Variants in DNAH8 observed in about 807,000 individuals in gnomAD.
DNAH8 encodes the protein dynein axonemal heavy chain 8, also known as axonemal beta dynein heavy chain 8.
In DNAH8, 382 loss-of-function variants were observed where a neutral mutation model predicts 562.1. The observed-to-expected ratio is 0.68, with a 90% CI of 0.63 to 0.74. The LOEUF is 0.74. Ranked by LOEUF, DNAH8 falls within the 30% of genes least tolerant of loss-of-function variation. DNAH8 has a pLI of 0.00. For missense variants in DNAH8, 5,203 were observed against 5,620.4 expected, an observed-to-expected ratio of 0.93 and a Z score of 2.37; for synonymous variants, 1,881 against 1,919.4, an observed-to-expected ratio of 0.98 and a Z score of 0.52.
At position 38,917,232 on chromosome 6, in the gene DNAH8, A is replaced by C; in HGVS notation, c.10141-7A>C. On this transcript the variant is annotated splice_region_variant and splice_polypyrimidine_tract_variant and intron_variant, in intron 68 of 92. Coordinates refer to ENST00000327475, the MANE Select transcript of DNAH8 (RefSeq NM_001206927.2). Reference sequence around the variant, plus strand: ...AACAAAATATTGATCCTTAATCCCAAATATAGACTATCAAGCCAAATGATA... The same window carrying C: ...AACAAAATATTGATCCTTAATCCCACATATAGACTATCAAGCCAAATGATA... 1.3e-6 allele frequency: 2 copies of C among 1,558,918 alleles called. No individual in the cohort carries two copies. Among genetic ancestry groups the C allele is most frequent in the Middle Eastern group, 3.4e-4 (2 of 5,912 alleles).
intron 21 of DNAH8, among the ~76,000 whole-genome samples, chr6:38,797,921 A>G (rs767415833): frequency 1.2e-4 from 18 of 152,060 alleles, no homozygotes; most frequent in Non-Finnish European, 2.4e-4. Flanking sequence ...TGCCACGCCA[A>G]TTCTTCGGCT....
In DNAH8 at chr6:38,784,977, A is replaced by C. The variant is rs944803559; in HGVS notation, c.2396-1788A>C. Among the ~76,000 whole-genome samples the C allele has an allele frequency of 2.0e-5, 3 of 152,198 alleles. No individual in the cohort carries two copies. The South Asian group carries it at 6.2e-4, about 31-fold the overall frequency. Reference sequence around the variant, plus strand: ...ATCTTGATGAGTAATAATTTTATCAAGTTTTCAGAAGAGTTTGTTCCCCTT... The same window carrying C: ...ATCTTGATGAGTAATAATTTTATCACGTTTTCAGAAGAGTTTGTTCCCCTT... On this transcript the variant is annotated intron_variant, in intron 17 of 92. Coordinates refer to ENST00000327475, the MANE Select transcript of DNAH8 (RefSeq NM_001206927.2).
In DNAH8 at chr6:38,896,037, A is replaced by T. The variant is rs148193715; in HGVS notation, c.8752A>T (p.Ile2918Leu). Residue 2918 changes from isoleucine to leucine, a missense_variant, in exon 60 of 93, where the codon ATA becomes TTA. Coordinates refer to ENST00000327475, the MANE Select transcript of DNAH8 (RefSeq NM_001206927.2). ...ECSRVIADRF[I>L]TPEDEQWFNA... ...ACTACTACATTTTCCTTTCAGATTTATAACTCCTGAAGATGAGCAGTGGTT... is the reference window on the plus strand; with the variant it reads ...ACTACTACATTTTCCTTTCAGATTTTTAACTCCTGAAGATGAGCAGTGGTT... 1.9e-6 allele frequency: 3 copies of T among 1,609,084 alleles called. No homozygotes were observed. Among genetic ancestry groups the T allele is most frequent in the Admixed American group, 3.4e-5 (2 of 58,948 alleles).
At position 38,894,665 on chromosome 6, in the gene DNAH8, AAACT is replaced by A. The variant is rs756404103; in HGVS notation, c.8584-31_8584-28del. On this transcript the variant is annotated intron_variant, in intron 58 of 92. Coordinates refer to ENST00000327475, the MANE Select transcript of DNAH8 (RefSeq NM_001206927.2). ...TAATTCTACTTTTAGTTGTATCTGA[AAACT>A]AACTGAGAGTATTACATTTTTTCAT... 4.5e-6 allele frequency: 7 copies of A among 1,560,450 alleles called. No individual in the cohort carries two copies. The Admixed American group carries it at 6.8e-5, about 15-fold the overall frequency.
chr6:38,852,891 A>G, intron 40 of DNAH8, 93 bp downstream of exon 40: 1 of 976,822 alleles, frequency 1.0e-6, no homozygotes, highest in Non-Finnish European at 1.6e-6. Context: ...AAACAGGAGG[A>G]GAGGGAGTTC....
intron 3 of DNAH8, among the ~76,000 whole-genome samples, chr6:38,724,745 A>G (rs1763064804): frequency 6.6e-6 from 1 of 152,200 alleles, no homozygotes; most frequent in Non-Finnish European, 1.5e-5. Flanking sequence ...AATTTTCAAT[A>G]AAACTACCAC....
chr6:38,883,468 C>A lies in DNAH8; in HGVS notation c.8136+12C>A. 1 of 1,603,308 alleles carries A rather than the reference C, an allele frequency of 6.2e-7. No individual in the cohort carries two copies. Among genetic ancestry groups the A allele is most frequent in the Non-Finnish European group, 8.5e-7 (1 of 1,175,472 alleles). ...CAATGATGTTTCAGGTGAAATCCAT[C>A]ATTTGCTGTAATATTATAAACATAA... On this transcript the variant is annotated intron_variant, in intron 55 of 92. Transcript: ENST00000327475.
intron 15 of DNAH8, 89 bp from the exon 16 acceptor site, chr6:38,781,165 T>C (rs1010579336): frequency 6.3e-6 from 9 of 1,418,390 alleles, no homozygotes; most frequent in Non-Finnish European, 8.8e-6. Context: ...ACATGAATAA[T>C]GATAAAACAA....
Position 38,937,891 on chromosome 6 carries a change from GTT to G in DNAH8, c.11564-72_11564-71del, listed in dbSNP as rs199520405. ...AGACATCAAGTTGAAAGCTAACAGC[GTT>G]TTTTTTTTTTCAGAAGAGATGTATC... On this transcript the variant is annotated intron_variant, in intron 77 of 92. Transcript: ENST00000327475. 3.6e-4 allele frequency: 428 copies of G among 1,202,686 alleles called. 1 individual carries two copies. The African/African-American group carries it at 5.7e-3, about 16-fold the overall frequency. 74.5% of individuals were successfully genotyped at this position (1,202,686 alleles called of 1,614,324 possible).
rs114397360 is a variant in DNAH8 at position 38,980,666 on chromosome 6, G to T, written c.12835-1680G>T. ...GGGATAGGTGTGGGTGTCACATAGC[G>T]CAAATCTCTAATGCCTGACAACCTT... On this transcript the variant is annotated intron_variant, in intron 85 of 92. Coordinates refer to ENST00000327475, the MANE Select transcript of DNAH8 (RefSeq NM_001206927.2). Among the ~76,000 whole-genome samples the T allele has an allele frequency of 3.8e-3, 581 of 152,240 alleles. 6 individuals are homozygous for T. Among genetic ancestry groups the T allele is most frequent in the African/African-American group, 0.013 (545 of 41,546 alleles).
intron 82 of DNAH8, among the ~76,000 whole-genome samples, chr6:38,962,804 AG>A (rs1482302344): frequency 6.6e-6 from 1 of 152,254 alleles, no homozygotes; most frequent in African/African-American, 2.4e-5. Context: ...TGTTATAAAA[AG>A]GAATAAAATA....
At chr6:39,022,489 C>T (rs1766987912) in intron 91 of DNAH8, among the ~76,000 whole-genome samples, 1 of 152,228 alleles carries the variant, frequency 6.6e-6, no homozygotes, top group Non-Finnish European at 1.5e-5. Context: ...CAGGGTGCTT[C>T]CCACCTGCAG....
chr6:38,997,286 G>A (rs1256945640), intron 88 of DNAH8, among the ~76,000 whole-genome samples: 1 of 152,064 alleles, frequency 6.6e-6, no homozygotes, highest in Non-Finnish European at 1.5e-5. Flanking sequence ...ACTTCTCTAC[G>A]CCCCTTGCTG....
At position 38,900,025 on chromosome 6, in the gene DNAH8, T is replaced by TTA. The variant is rs991338060; in HGVS notation, c.9194+128_9194+129dup. On this transcript the variant is annotated intron_variant, in intron 62 of 92. Transcript: ENST00000327475. Reference sequence around the variant, plus strand: ...TTCTTTTTAAGGTAAACTTTAAGTATTATATATATAAGGATATTTACGCAA... The same window carrying TTA: ...TTCTTTTTAAGGTAAACTTTAAGTATTATATATATATAAGGATATTTACGCAA... 60 of 851,728 alleles carry TTA rather than the reference T, an allele frequency of 7.0e-5. No homozygotes were observed. In the African/African-American group the frequency reaches 7.4e-4, roughly 10 times the overall value. The allele number at this position is 851,728 out of a possible 1,614,324, so 52.8% of individuals were successfully genotyped here. A position where few individuals can be genotyped will look rare whatever the true frequency, so the allele number is the denominator to read the frequency against.
At chr6:38,872,432 G>A (rs754097781) in intron 49 of DNAH8, 104 bp from the exon 50 acceptor site, 33 of 1,279,416 alleles carry the variant, frequency 2.6e-5, no homozygotes, top group Admixed American at 9.0e-5. Context: ...AACTAGTTAC[G>A]TTAATGAAGA....
intron 21 of DNAH8, among the ~76,000 whole-genome samples, chr6:38,797,230 C>T (rs995030416): frequency 2.6e-5 from 4 of 152,244 alleles, no homozygotes; most frequent in Admixed American, 2.0e-4. Context: ...CCCATCTCTA[C>T]TAAAAGTATA....
rs373650371 is a variant in DNAH8, at chr6:38,921,553, A to G, written c.10662+47A>G. ...CCCCAAAATGGTGTACTGAAACTTT[A>G]CACAAGAGCATGCTATATTTGGAAA... On this transcript the variant is annotated intron_variant, in intron 71 of 92. Transcript: ENST00000327475. 2.9e-5 allele frequency: 45 copies of G among 1,577,850 alleles called. 1 individual carries two copies. Among genetic ancestry groups the G allele is most frequent in the South Asian group, 2.2e-4 (19 of 85,070 alleles).
At chr6:38,934,399 C>T (rs1036789470) in intron 76 of DNAH8, among the ~76,000 whole-genome samples, 15 of 151,448 alleles carry the variant, frequency 9.9e-5, no homozygotes, top group African/African-American at 3.6e-4. Context: ...AGAAAAAAAT[C>T]ACAAAAAAAC....
intron 32 of DNAH8, among the ~76,000 whole-genome samples, chr6:38,837,065 T>G (rs543803428): frequency 1.3e-5 from 2 of 152,176 alleles, no homozygotes; most frequent in South Asian, 4.1e-4. Context: ...TTCAGTACAT[T>G]TATTGAATAA....
Sources: allele counts gnomAD v4.1 joint callset (sites outside exome capture counted in the v4.1 genomes callset), GRCh38; gene constraint gnomAD v4.1.1; transcripts MANE v1.5; gene names NCBI Gene and HGNC (gene_info 2026-07-23, HGNC 2026-07-21).